B3GALT1: variants seen among roughly 807,000 people sequenced by gnomAD.
B3GALT1 encodes beta-1,3-galactosyltransferase 1.
In B3GALT1, 10 loss-of-function variants were observed where a neutral mutation model predicts 23.2. The ratio of observed to expected loss-of-function variants is 0.43; its 90% CI spans 0.27 to 0.73. The LOEUF (loss-of-function observed/expected upper bound fraction) is 0.73. Among genes scored for constraint, B3GALT1 ranks in the 30% least tolerant of loss-of-function variants. The pLI, the probability that B3GALT1 is intolerant of heterozygous loss-of-function variation, is 0.21. For synonymous variants in B3GALT1, 156 were observed against 141.5 expected (o/e 1.10, Z -0.73); for missense variants, 299 against 405.4 (o/e 0.74, Z 2.25).
intron 4 of B3GALT1, among the ~76,000 whole-genome samples, chr2:167,834,517 C>T (rs1689418257): frequency 6.6e-6 from 1 of 152,186 alleles, no homozygotes; most frequent in South Asian, 2.1e-4. Flanking sequence ...TTAGATTCTG[C>T]TGGCTCTTTT....
intron 2 of B3GALT1, among the ~76,000 whole-genome samples, chr2:167,580,906 G>A (rs906233328): frequency 6.6e-6 from 1 of 152,110 alleles, no homozygotes; most frequent in African/African-American, 2.4e-5. Context: ...GAGAGACACT[G>A]ATATGTGTTC....
chr2:167,617,424 C>T (rs187308394), intron 2 of B3GALT1, among the ~76,000 whole-genome samples: 44 of 152,094 alleles, frequency 2.9e-4, no homozygotes, highest in African/African-American at 9.9e-4. Flanking sequence ...AAGTCACCCC[C>T]TGGAGCTGGG....
chr2:167,830,967 TTGTCTCTACCTCCTGGATTC>T (rs1463337807), intron 4 of B3GALT1, among the ~76,000 whole-genome samples: 1 of 152,188 alleles, frequency 6.6e-6, no homozygotes, highest in Non-Finnish European at 1.5e-5. Flanking sequence ...CTCTGGACAT[TTGTCTCTACCTCCTGGATTC>T]TGGCGATAAT....
chr2:167,332,121 G>A (rs1696982571), intron 1 of B3GALT1, among the ~76,000 whole-genome samples: 1 of 152,138 alleles, frequency 6.6e-6, no homozygotes, highest in Non-Finnish European at 1.5e-5. Flanking sequence ...TTTCCAGGAT[G>A]TTCCCTATGT....
intron 1 of B3GALT1, among the ~76,000 whole-genome samples, chr2:167,335,560 G>T (rs1697044997): frequency 6.6e-6 from 1 of 152,140 alleles, no homozygotes; most frequent in Admixed American, 6.5e-5. Context: ...TCCGGGGAAG[G>T]GGGTGGGCAG....
At chr2:167,502,681 G>T (rs530978142) in intron 2 of B3GALT1, among the ~76,000 whole-genome samples, 13 of 152,016 alleles carry the variant, frequency 8.6e-5, no homozygotes, top group African/African-American at 2.2e-4. Context: ...GAACAGCAAG[G>T]GGGGGATCCA....
rs571690634 is a variant in B3GALT1, at chr2:167,453,356, G to A, written c.-510-36821G>A. Among the ~76,000 whole-genome samples the A allele has an allele frequency of 9.2e-5, 14 of 152,240 alleles. No individual in the cohort carries two copies. The South Asian group carries it at 2.3e-3, about 25-fold the overall frequency. On this transcript the variant is annotated intron_variant, in intron 1 of 4. Transcript: ENST00000392690. ...CTTTTCCTTAGTTATTTAAAACATA[G>A]TTTCAACATTGTTTCACACAAAGAT...
At chr2:167,312,005 G>C (rs565164952) in intron 1 of B3GALT1, among the ~76,000 whole-genome samples, 2 of 151,720 alleles carry the variant, frequency 1.3e-5, no homozygotes, top group East Asian at 3.9e-4. Flanking sequence ...ACCACACTTA[G>C]GTACATCATA....
At chr2:167,839,004 A>C (rs1204255831) in intron 4 of B3GALT1, among the ~76,000 whole-genome samples, 51 of 152,380 alleles carry the variant, frequency 3.3e-4, no homozygotes, top group African/African-American at 1.2e-3. Context: ...CTCTCAATAA[A>C]TTAGGTATTG....
intron 3 of B3GALT1, among the ~76,000 whole-genome samples, chr2:167,786,216 T>C (rs1455752477): frequency 1.3e-5 from 2 of 152,226 alleles, no homozygotes. Context: ...TGGGTTTTAG[T>C]TCCAACCTTG....
intron 1 of B3GALT1, among the ~76,000 whole-genome samples, chr2:167,333,728 A>G (rs1697012450): frequency 6.6e-6 from 1 of 152,212 alleles, no homozygotes; most frequent in African/African-American, 2.4e-5. Context: ...AATGCATTAG[A>G]TGACACTTAG....
intron 3 of B3GALT1, among the ~76,000 whole-genome samples, chr2:167,654,308 C>T (rs1685915542): frequency 6.6e-6 from 1 of 152,138 alleles, no homozygotes; most frequent in South Asian, 2.1e-4. Context: ...GGACTAAAGA[C>T]AAAACTAACT....
intron 4 of B3GALT1, among the ~76,000 whole-genome samples, chr2:167,821,370 T>TATC (rs1370135210): frequency 6.6e-6 from 1 of 151,664 alleles, no homozygotes; most frequent in Non-Finnish European, 1.5e-5. Context: ...ATATCCAATT[T>TATC]ATCTTCTTTG....
chr2:167,635,289 C>T (rs1442054770), intron 2 of B3GALT1, among the ~76,000 whole-genome samples: 1 of 152,088 alleles, frequency 6.6e-6, no homozygotes, highest in Non-Finnish European at 1.5e-5. Flanking sequence ...AAAACCGGCA[C>T]AAGACAACGA....
intron 2 of B3GALT1, among the ~76,000 whole-genome samples, chr2:167,500,010 C>T (rs561149007): frequency 3.3e-5 from 5 of 151,912 alleles, no homozygotes; most frequent in Admixed American, 2.0e-4. Flanking sequence ...TTTGTGCATG[C>T]GAGAGAGACA....
intron 3 of B3GALT1, among the ~76,000 whole-genome samples, chr2:167,675,815 G>A (rs551361941): frequency 5.3e-5 from 8 of 151,458 alleles, no homozygotes; most frequent in African/African-American, 1.9e-4. Context: ...ATTACAGCCA[G>A]GTATTTCACC....
At chr2:167,344,666 T>C (rs1697200779) in intron 1 of B3GALT1, among the ~76,000 whole-genome samples, 1 of 152,232 alleles carries the variant, frequency 6.6e-6, no homozygotes, top group Non-Finnish European at 1.5e-5. Flanking sequence ...CTTCATTCTT[T>C]ATCTATGTGA....
chr2:167,442,073 C>T (rs1574080069), intron 1 of B3GALT1, among the ~76,000 whole-genome samples: 1 of 149,324 alleles, frequency 6.7e-6, no homozygotes, highest in South Asian at 2.2e-4. Flanking sequence ...TGTTCCCCTT[C>T]CTGTGTCCAT....
intron 1 of B3GALT1, among the ~76,000 whole-genome samples, chr2:167,415,293 C>T (rs566231965): frequency 1.3e-5 from 2 of 152,260 alleles, no homozygotes; most frequent in South Asian, 4.1e-4. Flanking sequence ...TACCCAGCTC[C>T]CTCATTATAT....
Sources: gnomAD v4.1 joint callset for allele counts (sites outside exome capture counted in the v4.1 genomes callset) on GRCh38, gnomAD v4.1.1 for gene constraint, MANE v1.5 for transcripts, NCBI Gene and HGNC (gene_info 2026-07-23, HGNC 2026-07-21) for gene names.